THADA: variants seen among roughly 807,000 people sequenced by gnomAD.
THADA encodes tRNA (32-2'-O)-methyltransferase regulator THADA.
In THADA, 213 loss-of-function variants were observed where a neutral mutation model predicts 219.8. The ratio of observed to expected loss-of-function variants is 0.97; its 90% CI spans 0.87 to 1.09. The LOEUF is 1.09. Ranked by LOEUF, THADA falls within the 50% of genes least tolerant of loss-of-function variation. The pLI is 0.00. For missense variants in THADA, 2,956 were observed against 2,311.3 expected (o/e 1.28, Z -5.72); for synonymous variants, 1,018 against 828.9 (o/e 1.23, Z -3.92).
chr2:43,525,787 A>G (rs1170135041), intron 22 of THADA, among the ~76,000 whole-genome samples: 2 of 152,214 alleles, frequency 1.3e-5, no homozygotes, highest in African/African-American at 2.4e-5. Flanking sequence ...CCTTCTAAGC[A>G]TACATCATGT....
chr2:43,568,038 A>T (rs917573083), intron 14 of THADA, among the ~76,000 whole-genome samples: 1 of 151,696 alleles, frequency 6.6e-6, no homozygotes, highest in Non-Finnish European at 1.5e-5. Flanking sequence ...GGTGGGGGGG[A>T]GAAAATACTG....
Position 43,571,740 on chromosome 2 carries a change from T to A in THADA, c.2031A>T (p.Gly677=), listed in dbSNP as rs1250194447. Residue 677 remains glycine (G), a synonymous_variant, in exon 13 of 38, where the codon GGA becomes GGT. Coordinates refer to ENST00000405975, the MANE Select transcript of THADA (RefSeq NM_022065.5). ...GAAGAGAACAGATCTGTTGCCGCAC[T>A]CCTGGAGACTGGCTGTTAAGATTGT... ...ITYNLNSQSP[G]VRQQICSLLK... 6.2e-6 allele frequency: 10 copies of A among 1,613,764 alleles called. 1 individual carries two copies. The highest frequency in any genetic ancestry group is 7.6e-6 in the Non-Finnish European group (9 of 1,179,846).
chr2:43,576,828 A>G (rs1268347310), intron 10 of THADA, among the ~76,000 whole-genome samples, 194 bp downstream of exon 10: 6 of 152,012 alleles, frequency 3.9e-5, no homozygotes, highest in Non-Finnish European at 5.9e-5. Flanking sequence ...CTAAGTTTTA[A>G]AAGTTTTGTA....
At position 43,334,223 on chromosome 2, in the gene THADA, A is replaced by T. The variant is rs370037404; in HGVS notation, c.4343+9899T>A. Among the ~76,000 whole-genome samples the T allele has an allele frequency of 6.6e-5, 10 of 152,256 alleles. 1 individual carries two copies. Among genetic ancestry groups the T allele is most frequent in the African/African-American group, 2.4e-4 (10 of 41,540 alleles). On this transcript the variant is annotated intron_variant, in intron 30 of 37. Transcript: ENST00000405975. Reference sequence around the variant, plus strand: ...TAGATGGGAGTATGGATAGGGGGTGACAGGGGAGGAGACAGGAAAGTGACT... The same window carrying T: ...TAGATGGGAGTATGGATAGGGGGTGTCAGGGGAGGAGACAGGAAAGTGACT...
intron 29 of THADA, among the ~76,000 whole-genome samples, chr2:43,357,080 T>A (rs992926977): frequency 6.6e-6 from 1 of 152,198 alleles, no homozygotes; most frequent in Non-Finnish European, 1.5e-5. Context: ...ATCCCTAAAA[T>A]TGAAAATATC....
chr2:43,463,421 G>A (rs898469873), intron 26 of THADA, among the ~76,000 whole-genome samples: 2 of 152,270 alleles, frequency 1.3e-5, no homozygotes, highest in South Asian at 2.1e-4. Flanking sequence ...TATTTATATA[G>A]GGCGTGATTG....
rs1689996575 is a variant in THADA at position 43,508,593 on chromosome 2, C to T, written c.3507+55G>A. 9 of 1,571,774 alleles carry T rather than the reference C, an allele frequency of 5.7e-6. No individual in the cohort carries two copies. The East Asian group carries it at 1.6e-4, about 28-fold the overall frequency. ...CTCACACGTCAAACAGGTTAGGATACACTATCATCAAAAGACAAATATAAA... is the reference window on the plus strand; with the variant it reads ...CTCACACGTCAAACAGGTTAGGATATACTATCATCAAAAGACAAATATAAA... On this transcript the variant is annotated intron_variant, in intron 23 of 37. Transcript: ENST00000405975.
At chr2:43,558,600 A>C (rs1172500406) in intron 16 of THADA, among the ~76,000 whole-genome samples, 1 of 152,122 alleles carries the variant, frequency 6.6e-6, no homozygotes, top group Non-Finnish European at 1.5e-5. Flanking sequence ...CTTCTGGCCT[A>C]CTTCTCCCAT....
chr2:43,538,724 C>G (rs1397411224), intron 21 of THADA, among the ~76,000 whole-genome samples: 2 of 152,168 alleles, frequency 1.3e-5, no homozygotes, highest in African/African-American at 2.4e-5. Flanking sequence ...CTTGGGCAAA[C>G]CAGGTAACAT....
At position 43,549,322 on chromosome 2, in the gene THADA, T is replaced by G. The variant is rs758167003; in HGVS notation, c.2994A>C (p.Arg998=). 5.0e-6 allele frequency: 8 copies of G among 1,602,922 alleles called. No individual in the cohort carries two copies. Among genetic ancestry groups the G allele is most frequent in the Non-Finnish European group, 6.8e-6 (8 of 1,174,888 alleles). The change falls in exon 20 of 38, where the codon CGA becomes CGC. Residue 998 remains arginine (R), a synonymous_variant. Transcript: ENST00000405975. ...CTTGGTTAAAATAATCATTAGTATC[T>G]CGAGGCTGAATCTCATTCAGAATCA... ...LQMILNEIQP[R]DTNDYFNQAK...
chr2:43,385,947 T>C (rs1001496755), intron 29 of THADA, among the ~76,000 whole-genome samples: 14 of 150,500 alleles, frequency 9.3e-5, no homozygotes, highest in Non-Finnish European at 1.8e-4. Flanking sequence ...TAATGAAAAA[T>C]GTCCCCCTCA....
intron 36 of THADA, among the ~76,000 whole-genome samples, chr2:43,270,282 G>C (rs912316022): frequency 6.6e-6 from 1 of 151,996 alleles, no homozygotes; most frequent in African/African-American, 2.4e-5. Context: ...TAAAACCCTC[G>C]AGTCCTGGGA....
chr2:43,245,354 G>C (rs1669038441), intron 36 of THADA, among the ~76,000 whole-genome samples: 1 of 151,804 alleles, frequency 6.6e-6, no homozygotes, highest in Admixed American at 6.6e-5. Context: ...TGTAATTTTA[G>C]TAGAGACAGG....
At chr2:43,330,758 A>G (rs1679869010) in intron 30 of THADA, among the ~76,000 whole-genome samples, 1 of 152,242 alleles carries the variant, frequency 6.6e-6, no homozygotes, top group African/African-American at 2.4e-5. Flanking sequence ...TATCCATGGA[A>G]GGCAGCTCCT....
chr2:43,423,954 G>C (rs1405134351), intron 28 of THADA, among the ~76,000 whole-genome samples: 1 of 152,156 alleles, frequency 6.6e-6, no homozygotes, highest in Non-Finnish European at 1.5e-5. Context: ...TCTGCTTTGT[G>C]GTACCTGAAC....
At chr2:43,530,648 A>G (rs1300669067) in intron 21 of THADA, among the ~76,000 whole-genome samples, 1 of 152,232 alleles carries the variant, frequency 6.6e-6, no homozygotes, top group Non-Finnish European at 1.5e-5. Context: ...ATACTTCAGG[A>G]AAACATAAAC....
intron 31 of THADA, among the ~76,000 whole-genome samples, chr2:43,297,187 C>T (rs1308301813): frequency 1.1e-5 from 1 of 92,736 alleles, no homozygotes; most frequent in Admixed American, 9.7e-5. Flanking sequence ...GCCTCTGCCC[C>T]GCCGCCCCAT....
intron 36 of THADA, among the ~76,000 whole-genome samples, chr2:43,250,546 T>G (rs1353785965): frequency 1.3e-5 from 2 of 152,116 alleles, no homozygotes; most frequent in African/African-American, 2.4e-5. Context: ...TTATGTTTAT[T>G]TCATCTCAAT....
At chr2:43,544,227 G>T (rs1056554234) in intron 20 of THADA, among the ~76,000 whole-genome samples, 87 of 152,110 alleles carry the variant, frequency 5.7e-4, no homozygotes, top group Non-Finnish European at 1.0e-3. Flanking sequence ...CTGTTCCATT[G>T]ATCTATATCT....
Sources: gnomAD v4.1 joint callset for allele counts (sites outside exome capture counted in the v4.1 genomes callset) on GRCh38, gnomAD v4.1.1 for gene constraint, MANE v1.5 for transcripts, NCBI Gene and HGNC (gene_info 2026-07-23, HGNC 2026-07-21) for gene names.